Variants in ZNF143 observed in about 807,000 individuals in gnomAD.
ZNF143 encodes SPH-binding factor.
In ZNF143, 49 loss-of-function variants were observed where a neutral mutation model predicts 74.1. The ratio of observed to expected loss-of-function variants is 0.66; its 90% CI spans 0.53 to 0.84. The LOEUF (loss-of-function observed/expected upper bound fraction) is 0.84. ZNF143 is among the 40% of genes least tolerant of loss of function. The probability of loss-of-function intolerance (pLI) is 0.00; values close to 1 mark genes in which losing one functional copy is unlikely to be tolerated. For missense variants in ZNF143, 637 were observed against 793.4 expected, an observed-to-expected ratio of 0.80 and a Z score of 2.37; for synonymous variants, 304 against 282.8, an observed-to-expected ratio of 1.07 and a Z score of -0.75.
intron 3 of ZNF143, 108 bp from the exon 4 acceptor site, chr11:9,473,833 A>G: frequency 6.2e-7 from 1 of 1,600,782 alleles, no homozygotes. Flanking sequence ...ATCAAGATGA[A>G]CACGAGCTTA....
chr11:9,469,107 C>G (rs1016782074), intron 1 of ZNF143, among the ~76,000 whole-genome samples: 2 of 150,720 alleles, frequency 1.3e-5, no homozygotes, highest in Non-Finnish European at 2.9e-5. Context: ...GCACTCTAGC[C>G]TCGGCTACAG....
rs938909944 is a variant in ZNF143 at position 9,504,302 on chromosome 11, T to G, written c.1147+3032T>G. Among the ~76,000 whole-genome samples the G allele has an allele frequency of 9.0e-5, 10 of 111,542 alleles. 1 individual carries two copies. Among genetic ancestry groups the G allele is most frequent in the African/African-American group, 2.2e-4 (8 of 36,380 alleles). The allele number at this position is 111,542 out of a possible 152,430, so 73.2% of individuals were successfully genotyped here. A position where few individuals can be genotyped will look rare whatever the true frequency, so the allele number is the denominator to read the frequency against. On this transcript the variant is annotated intron_variant, in intron 11 of 15. Transcript: ENST00000396602. Reference sequence around the variant, plus strand: ...TTTATTAGCCATGTGTATATCTTCTTTGGAGAAATGTCTATTCAAATCCTT... The same window carrying G: ...TTTATTAGCCATGTGTATATCTTCTGTGGAGAAATGTCTATTCAAATCCTT...
At chr11:9,523,037 A>G (rs1042560520) in intron 14 of ZNF143, among the ~76,000 whole-genome samples, 1 of 152,070 alleles carries the variant, frequency 6.6e-6, no homozygotes, top group African/African-American at 2.4e-5. Flanking sequence ...CCAAAGTGCT[A>G]GGATTACAAG....
rs868041900 is a variant in ZNF143, at chr11:9,486,387, A to T, written c.645+6841A>T. Among the ~76,000 whole-genome samples the T allele has an allele frequency of 5.3e-3, 96 of 17,986 alleles. 2 individuals are homozygous for T. The highest frequency in any genetic ancestry group is 0.022 in the East Asian group (24 of 1,090). 11.8% of individuals were successfully genotyped at this position (17,986 alleles called of 152,430 possible). A position where few individuals can be genotyped will look rare whatever the true frequency, so the allele number is the denominator to read the frequency against. The stretch of plus-strand genomic sequence containing the variant: ...ATTATATATAATATATTATATATAT[A>T]ATATATATAATATATTATATATATA... On this transcript the variant is annotated intron_variant, in intron 7 of 15. Transcript: ENST00000396602.
intron 14 of ZNF143, among the ~76,000 whole-genome samples, chr11:9,524,039 C>T (rs1209059202): frequency 1.6e-5 from 2 of 128,066 alleles, no homozygotes; most frequent in Admixed American, 8.4e-5. Context: ...CAGAGCGAGA[C>T]TACCTCAAAA....
chr11:9,467,845 C>CAAA (rs971001404), intron 1 of ZNF143, among the ~76,000 whole-genome samples: 6 of 79,868 alleles, frequency 7.5e-5, no homozygotes, highest in South Asian at 4.5e-4. Context: ...ACTCCATCTC[C>CAAA]AAAAAAAAAA....
intron 14 of ZNF143, among the ~76,000 whole-genome samples, chr11:9,517,653 AAAAT>A (rs1848771248): frequency 6.6e-6 from 1 of 152,174 alleles, no homozygotes; most frequent in Admixed American, 6.6e-5. Context: ...CATTTCCCTT[AAAAT>A]AAATAATGTA....
intron 7 of ZNF143, among the ~76,000 whole-genome samples, chr11:9,484,717 A>G (rs1847390827): frequency 6.8e-6 from 1 of 146,858 alleles, no homozygotes; most frequent in African/African-American, 2.6e-5. Context: ...CTCCCAGTTG[A>G]ACTCCTGACC....
intron 14 of ZNF143, 87 bp downstream of exon 14, chr11:9,516,449 G>A (rs1848727135): frequency 7.8e-7 from 1 of 1,282,930 alleles, no homozygotes; most frequent in Non-Finnish European, 1.1e-6. Context: ...CAACAGTTAA[G>A]CACACAAACT....
chr11:9,524,490 T>C (rs544213193), intron 14 of ZNF143, among the ~76,000 whole-genome samples: 1 of 152,232 alleles, frequency 6.6e-6, no homozygotes, highest in South Asian at 2.1e-4. Flanking sequence ...TAGCTTAAAA[T>C]GTAGCATTTT....
At chr11:9,501,009 C>A (rs577243628) in intron 10 of ZNF143, 82 bp from the exon 11 acceptor site, 2 of 1,536,638 alleles carry the variant, frequency 1.3e-6, no homozygotes, top group South Asian at 2.3e-5. Flanking sequence ...TGAGCATAAT[C>A]CTAGGCAGGA....
chr11:9,523,395 T>C (rs1197509038), intron 14 of ZNF143, among the ~76,000 whole-genome samples: 3 of 152,140 alleles, frequency 2.0e-5, no homozygotes, highest in African/African-American at 4.8e-5. Flanking sequence ...TTGCCAGTCT[T>C]GTTGGAATGT....
intron 7 of ZNF143, among the ~76,000 whole-genome samples, chr11:9,487,316 A>G (rs923545724): frequency 6.6e-6 from 1 of 151,404 alleles, no homozygotes; most frequent in African/African-American, 2.5e-5. Flanking sequence ...ATCTTGCACA[A>G]CGTTACATGG....
At chr11:9,494,247 A>G (rs1847882398) in intron 7 of ZNF143, among the ~76,000 whole-genome samples, 1 of 152,088 alleles carries the variant, frequency 6.6e-6, no homozygotes, top group African/African-American at 2.4e-5. Flanking sequence ...AACCCACATA[A>G]CAGTTTTGTC....
Position 9,496,316 on chromosome 11 carries a change from C to T in ZNF143, c.779C>T (p.Ser260Leu). The change falls in exon 9 of 16, where the codon TCA (serine) becomes TTA (leucine). Residue 260 changes from serine (S) to leucine (L), a missense_variant. Transcript: ENST00000396602. ...TAHHLKVHER[S>L]HTGDRPYQCE... Reference sequence around the variant, plus strand: ...TTTTAATCACAGGTCCATGAGAGGTCACACACAGGAGATCGGCCTTATCAG... The same window carrying T: ...TTTTAATCACAGGTCCATGAGAGGTTACACACAGGAGATCGGCCTTATCAG... The T allele has an allele frequency of 6.2e-7, 1 of 1,614,094 alleles. No homozygotes were observed. Among genetic ancestry groups the T allele is most frequent in the African/African-American group, 1.3e-5 (1 of 75,034 alleles).
chr11:9,507,109 A>G (rs754119923), intron 11 of ZNF143, among the ~76,000 whole-genome samples: 1 of 152,200 alleles, frequency 6.6e-6, no homozygotes, highest in Non-Finnish European at 1.5e-5. Flanking sequence ...GAAATCGCCA[A>G]TTACTTTATG....
At chr11:9,518,178 A>G (rs966958110) in intron 14 of ZNF143, among the ~76,000 whole-genome samples, 3 of 152,348 alleles carry the variant, frequency 2.0e-5, no homozygotes, top group South Asian at 4.1e-4. Context: ...ATCTTTTATC[A>G]TCAAAGAAAT....
intron 1 of ZNF143, 80 bp downstream of exon 1, chr11:9,461,156 G>A (rs957502608): frequency 1.1e-6 from 1 of 888,242 alleles, no homozygotes; most frequent in African/African-American, 1.8e-5. Flanking sequence ...GCGCGGGCCC[G>A]CTTGGGCCCG....
chr11:9,524,406 A>T (rs190267333), intron 14 of ZNF143, among the ~76,000 whole-genome samples: 162 of 152,292 alleles, frequency 1.1e-3, no homozygotes, highest in Non-Finnish European at 6.0e-4. Flanking sequence ...CTACTTAGAC[A>T]TTGCTGGAAT....
Sources: gnomAD v4.1 joint callset for allele counts (sites outside exome capture counted in the v4.1 genomes callset) on GRCh38, gnomAD v4.1.1 for gene constraint, MANE v1.5 for transcripts, NCBI Gene and HGNC (gene_info 2026-07-23, HGNC 2026-07-21) for gene names.